Variants in BICC1 observed in about 807,000 individuals in gnomAD.
BICC1 encodes protein bicaudal C homolog 1.
BICC1 carries 43 observed loss-of-function variants against 111.0 expected under a neutral mutation model. The observed-to-expected ratio is 0.39, with a 90% confidence interval of 0.30 to 0.50. The LOEUF is 0.50. Ranked by LOEUF, BICC1 falls within the 20% of genes least tolerant of loss-of-function variation. The probability of loss-of-function intolerance (pLI) is 0.88; values close to 1 mark genes in which losing one functional copy is unlikely to be tolerated. For synonymous variants in BICC1, 467 were observed against 434.4 expected, an observed-to-expected ratio of 1.07 and a Z score of -0.93; for missense variants, 1,091 against 1,203.2, an observed-to-expected ratio of 0.91 and a Z score of 1.38.
In BICC1 at chr10:58,796,531, A is replaced by C; in HGVS notation, c.1366+5A>C. On this transcript the variant is annotated splice_donor_5th_base_variant and intron_variant, in intron 10 of 20. Coordinates refer to ENST00000373886, the MANE Select transcript of BICC1 (RefSeq NM_001080512.3). ...GCCTTGGACTCACTGGACTAGGTAT[A>C]CAATTTATTATTACAGCGCGTCTCA... is the stretch of plus-strand genomic sequence containing the variant. The C allele has an allele frequency of 6.2e-7, 1 of 1,605,814 alleles. No homozygotes were observed. Among genetic ancestry groups the C allele is most frequent in the Non-Finnish European group, 8.5e-7 (1 of 1,175,998 alleles).
chr10:58,769,402 G>GTATATATATATATATA (rs879547814), intron 3 of BICC1, among the ~76,000 whole-genome samples: 2,223 of 111,326 alleles, frequency 0.02, 36 homozygotes, highest in East Asian at 0.031. Flanking sequence ...GTGTGTGTGT[G>GTATATATATATATATA]TGTATATATA....
At chr10:58,745,602 G>GCCCCCCCCCCCCCCC (rs35346412) in intron 3 of BICC1, among the ~76,000 whole-genome samples, 1 of 78,696 alleles carries the variant, frequency 1.3e-5, no homozygotes, top group African/African-American at 5.7e-5. Context: ...GCCCCCCACC[G>GCCCCCCCCCCCCCCC]CCCCCCCCCC....
At chr10:58,650,750 A>G (rs1214877224) in intron 2 of BICC1, 1 of 152,150 alleles carries the variant, frequency 6.6e-6, no homozygotes, top group Non-Finnish European at 1.5e-5. Context: ...CAGCACACTC[A>G]TATTCATTCA....
intron 2 of BICC1, among the ~76,000 whole-genome samples, chr10:58,625,880 G>A (rs539051656): frequency 3.3e-4 from 51 of 152,254 alleles, no homozygotes; most frequent in Admixed American, 3.3e-3. Context: ...CTCCACTAGC[G>A]ATTATTTTTA....
intron 1 of BICC1, among the ~76,000 whole-genome samples, chr10:58,598,636 C>CA: frequency 6.6e-6 from 1 of 152,220 alleles, no homozygotes; most frequent in African/African-American, 2.4e-5. Flanking sequence ...GCGATGGCAA[C>CA]AAAAGCCAGA....
intron 2 of BICC1, among the ~76,000 whole-genome samples, chr10:58,686,862 T>C (rs1021270528): frequency 2.6e-5 from 4 of 152,212 alleles, no homozygotes; most frequent in African/African-American, 9.6e-5. Flanking sequence ...GTCTGAAGCC[T>C]TCTTCTTTCA....
intron 3 of BICC1, among the ~76,000 whole-genome samples, chr10:58,757,027 T>C (rs1445208412): frequency 6.6e-6 from 1 of 152,228 alleles, no homozygotes; most frequent in East Asian, 1.9e-4. Context: ...CTGCTTTAAT[T>C]TCTTAGTTAC....
intron 3 of BICC1, among the ~76,000 whole-genome samples, chr10:58,753,908 C>A (rs1304209716): frequency 1.3e-5 from 2 of 151,776 alleles, no homozygotes; most frequent in Non-Finnish European, 2.9e-5. Context: ...CTTTACTTTT[C>A]TTCTCTTTTT....
intron 1 of BICC1, among the ~76,000 whole-genome samples, chr10:58,526,060 G>A (rs1649023): frequency 0.46 from 69,718 of 151,638 alleles, 17,089 homozygotes; most frequent in Admixed American, 0.62. Flanking sequence ...AATGATGGTA[G>A]TTGCAAAAGC....
At chr10:58,569,541 A>G (rs1245951210) in intron 1 of BICC1, among the ~76,000 whole-genome samples, 3 of 151,912 alleles carry the variant, frequency 2.0e-5, no homozygotes, top group Non-Finnish European at 4.4e-5. Context: ...TCCCTCCCCT[A>G]GGCTCCCACC....
intron 2 of BICC1, among the ~76,000 whole-genome samples, chr10:58,653,560 G>A (rs1220824404): frequency 6.6e-6 from 1 of 152,090 alleles, no homozygotes; most frequent in Non-Finnish European, 1.5e-5. Flanking sequence ...GTGAAGTTTG[G>A]ACTCAAAATA....
intron 1 of BICC1, among the ~76,000 whole-genome samples, chr10:58,553,743 C>T (rs1294720817): frequency 2.0e-5 from 3 of 151,734 alleles, no homozygotes; most frequent in East Asian, 3.9e-4. Context: ...CTTTTTTTAG[C>T]TTTTTCTTTA....
chr10:58,799,410 A>C (rs1165522882), intron 12 of BICC1, among the ~76,000 whole-genome samples, 158 bp downstream of exon 12: 1 of 152,230 alleles, frequency 6.6e-6, no homozygotes, highest in Admixed American at 6.5e-5. Flanking sequence ...ACTTTCACCT[A>C]AAATGAATTT....
chr10:58,796,096 A>G (rs1245516056), intron 9 of BICC1, among the ~76,000 whole-genome samples: 3 of 152,218 alleles, frequency 2.0e-5, no homozygotes, highest in African/African-American at 7.2e-5. Flanking sequence ...ATATGCAGCT[A>G]CTATCACAGC....
At chr10:58,515,882 A>T (rs1467200316) in intron 1 of BICC1, among the ~76,000 whole-genome samples, 1 of 152,246 alleles carries the variant, frequency 6.6e-6, no homozygotes, top group Non-Finnish European at 1.5e-5. Context: ...TAAATATTGC[A>T]TCATGGATTA....
chr10:58,620,907 T>C lies in BICC1; in HGVS notation c.237+6T>C. 1.2e-6 allele frequency: 2 copies of C among 1,613,066 alleles called. No homozygotes were observed. The highest frequency in any genetic ancestry group is 1.3e-5 in the African/African-American group (1 of 75,020). On this transcript the variant is annotated splice_donor_region_variant and intron_variant, in intron 2 of 20. Coordinates refer to ENST00000373886, the MANE Select transcript of BICC1 (RefSeq NM_001080512.3). The stretch of plus-strand genomic sequence containing the variant: ...GGGAAGACTTTTTTCAAAAGGTAAG[T>C]TGTCTTTTACTCTTGTCATGGTGAT...
chr10:58,781,011 A>C (rs776542850), intron 3 of BICC1, among the ~76,000 whole-genome samples: 3 of 152,106 alleles, frequency 2.0e-5, no homozygotes, highest in Non-Finnish European at 4.4e-5. Context: ...GGCATTATTC[A>C]CATATAAAAT....
chr10:58,768,527 T>C (rs1346985082), intron 3 of BICC1, among the ~76,000 whole-genome samples: 1 of 152,112 alleles, frequency 6.6e-6, no homozygotes, highest in African/African-American at 2.4e-5. Context: ...TACTCCCTGG[T>C]AAAAATAAAT....
chr10:58,647,607 G>A (rs1177163768), intron 2 of BICC1, among the ~76,000 whole-genome samples: 1 of 151,992 alleles, frequency 6.6e-6, no homozygotes, highest in Non-Finnish European at 1.5e-5. Context: ...TCATCTTCAC[G>A]ATAACCTGTG....
Sources: allele counts gnomAD v4.1 joint callset (sites outside exome capture counted in the v4.1 genomes callset), GRCh38; gene constraint gnomAD v4.1.1; transcripts MANE v1.5; gene names NCBI Gene and HGNC (gene_info 2026-07-23, HGNC 2026-07-21).